The following DNAH5 variants were observed in gnomAD, a reference collection of about 807,000 sequenced individuals.
DNAH5 encodes the protein dynein axonemal heavy chain 5, also known as axonemal beta dynein heavy chain 5.
In DNAH5, 372 loss-of-function variants were observed where a neutral mutation model predicts 518.2. That is an observed-to-expected ratio of 0.72 (90% CI 0.66 to 0.78). The LOEUF (loss-of-function observed/expected upper bound fraction) is 0.78, where lower values mean the gene tolerates loss of function less well. Ranked by LOEUF, DNAH5 falls within the 30% of genes least tolerant of loss-of-function variation. The pLI, the probability that DNAH5 is intolerant of heterozygous loss-of-function variation, is 0.00. For synonymous variants in DNAH5, 2,039 were observed against 2,025.9 expected (o/e 1.01, Z -0.17); for missense variants, 5,523 against 5,687.0 (o/e 0.97, Z 0.93).
Position 13,913,917 on chromosome 5 carries a change from T to C in DNAH5, c.1362A>G (p.Lys454=), listed in dbSNP as rs371157628. 1.6e-4 allele frequency: 251 copies of C among 1,613,396 alleles called. No individual in the cohort carries two copies. The highest frequency in any genetic ancestry group is 2.7e-4 in the East Asian group (12 of 44,864). Residue 454 remains lysine (K), a synonymous_variant, in exon 11 of 79, where the codon AAA becomes AAG. Transcript: ENST00000265104. ...LCFHKTKQKL[K]QNPNAKQFDF... The stretch of plus-strand genomic sequence containing the variant: ...CAAATTGTTTTGCATTTGGATTTTG[T>C]TTAAGCTTTTGTTTTGTCTTGTGAA...
At chr5:13,730,360 A>G (rs1746314940) in intron 68 of DNAH5, among the ~76,000 whole-genome samples, 1 of 152,276 alleles carries the variant, frequency 6.6e-6, no homozygotes, top group Non-Finnish European at 1.5e-5. Context: ...TTAAGAATTA[A>G]GGATAAAATA....
At chr5:13,808,266 C>G (rs1759980967) in intron 46 of DNAH5, among the ~76,000 whole-genome samples, 1 of 144,640 alleles carries the variant, frequency 6.9e-6, no homozygotes, top group Admixed American at 6.9e-5. Flanking sequence ...TTTGTATACA[C>G]AAAGAAACAC....
chr5:13,772,350 A>C (rs1753462857), intron 55 of DNAH5, among the ~76,000 whole-genome samples: 1 of 152,254 alleles, frequency 6.6e-6, no homozygotes, highest in Non-Finnish European at 1.5e-5. Context: ...TTCTTTACGT[A>C]GCAAATTGTC....
chr5:13,942,863 C>T (rs1046418568), intron 1 of DNAH5, among the ~76,000 whole-genome samples: 2 of 152,208 alleles, frequency 1.3e-5, no homozygotes, highest in South Asian at 2.1e-4. Flanking sequence ...ATACCTAACA[C>T]GACGGTCGTG....
At chr5:13,813,675 C>T (rs1348760330) in intron 43 of DNAH5, among the ~76,000 whole-genome samples, 2 of 152,158 alleles carry the variant, frequency 1.3e-5, no homozygotes, top group Non-Finnish European at 2.9e-5. Flanking sequence ...ACATTCAACT[C>T]TATGTCAACA....
chr5:13,961,341 CAG>C (rs1168927259), intron 1 of DNAH5, among the ~76,000 whole-genome samples: 3 of 152,116 alleles, frequency 2.0e-5, no homozygotes, highest in Non-Finnish European at 4.4e-5. Flanking sequence ...TGAGGAAACT[CAG>C]AGATGGAAAG....
chr5:13,764,275 T>A (rs1351973398), intron 59 of DNAH5, among the ~76,000 whole-genome samples: 1 of 152,200 alleles, frequency 6.6e-6, no homozygotes, highest in African/African-American at 2.4e-5. Flanking sequence ...ACATTAAACC[T>A]AAGAATTTCT....
chr5:13,892,611 G>T (rs1008488350), intron 16 of DNAH5, among the ~76,000 whole-genome samples: 1 of 152,172 alleles, frequency 6.6e-6, no homozygotes, highest in Admixed American at 6.5e-5. Flanking sequence ...CTAGAAACTA[G>T]TTCCTTGTCT....
At chr5:13,945,249 T>C (rs528145630), upstream of DNAH5, among the ~76,000 whole-genome samples, 1 of 152,264 alleles carries the variant, frequency 6.6e-6, no homozygotes, top group Non-Finnish European at 1.5e-5. Context: ...CTCTCATGTA[T>C]GGTTTCTCCC....
chr5:13,814,981 A>G, intron 42 of DNAH5, 135 bp from the exon 43 acceptor site: 1 of 867,254 alleles, frequency 1.2e-6, no homozygotes, highest in Non-Finnish European at 1.8e-6. Context: ...TTTTGCTCCA[A>G]ATGATTACCT....
At position 13,964,795 on chromosome 5, in the gene DNAH5, T is replaced by G. The variant is rs964571499; in HGVS notation, c.13-33551A>C. Among the ~76,000 whole-genome samples the G allele has an allele frequency of 1.4e-4, 21 of 152,328 alleles. 1 individual carries two copies. The East Asian group carries it at 4.0e-3, about 29-fold the overall frequency. ...TTAAAGATATATACAGTATCTGAAGTAGGATCAGGAATGAGAAGAGAAAAT... is the reference window on the plus strand; with the variant it reads ...TTAAAGATATATACAGTATCTGAAGGAGGATCAGGAATGAGAAGAGAAAAT... On this transcript the variant is annotated intron_variant, in intron 1 of 78. Coordinates refer to the DNAH5 transcript ENST00000681290.
rs184758570 is a variant in DNAH5, at chr5:13,780,952, C to A, written c.8828G>T (p.Arg2943Leu). ...DAMVHLVKIS[R>L]VIRTPQGNAL... The stretch of plus-strand genomic sequence containing the variant: ...ATTTCCCTGAGGAGTACGAATGACA[C>A]GAGAGATCTGTAATATGGAACAGAA... Residue 2943 changes from arginine to leucine, a missense_variant, in exon 53 of 79, where the codon CGT becomes CTT. Around this residue, in one of 3 missense-constraint regions of DNAH5, gnomAD observed 5,121 missense variants for 5,223.3 expected, o/e 0.98. Transcript: ENST00000265104. 1 of 1,613,502 alleles carries A rather than the reference C, an allele frequency of 6.2e-7. No individual in the cohort carries two copies. Among genetic ancestry groups the A allele is most frequent in the Non-Finnish European group, 8.5e-7 (1 of 1,179,666 alleles).
At chr5:13,725,515 T>C (rs1180276199) in intron 70 of DNAH5, among the ~76,000 whole-genome samples, 1 of 152,104 alleles carries the variant, frequency 6.6e-6, no homozygotes, top group Non-Finnish European at 1.5e-5. Flanking sequence ...CACTGTGGAG[T>C]GCTGCATTTT....
At chr5:13,824,091 T>C in intron 39 of DNAH5, 108 bp downstream of exon 39, 1 of 1,161,342 alleles carries the variant, frequency 8.6e-7, no homozygotes, top group Non-Finnish European at 1.3e-6. Context: ...ATCTGACAAT[T>C]AGGCATTTTA....
chr5:13,891,593 T>A (rs1198746220), intron 16 of DNAH5, among the ~76,000 whole-genome samples: 2 of 152,186 alleles, frequency 1.3e-5, no homozygotes, highest in African/African-American at 4.8e-5. Context: ...TGGTCCCTCC[T>A]CCTGTAAAAC....
At chr5:13,716,759 C>T (rs1744337239) in intron 73 of DNAH5, 69 bp from the exon 74 acceptor site, 2 of 1,048,342 alleles carry the variant, frequency 1.9e-6, no homozygotes, top group Admixed American at 1.9e-5. Context: ...TGCCAAGTCA[C>T]ACCCATGTAT....
chr5:13,750,742 T>C (rs922901589), intron 65 of DNAH5, among the ~76,000 whole-genome samples: 1 of 152,240 alleles, frequency 6.6e-6, no homozygotes. Flanking sequence ...ATGAGTTGAA[T>C]TCATAATAGA....
Position 13,850,682 on chromosome 5 carries a change from T to G in DNAH5, c.5084A>C (p.Gln1695Pro), listed in dbSNP as rs759121078. 3.1e-6 allele frequency: 5 copies of G among 1,614,006 alleles called. No individual in the cohort carries two copies. The change falls in exon 31 of 79, where the codon CAG (glutamine) becomes CCG (proline). Residue 1695 changes from glutamine (Q) to proline (P), a missense_variant. Physicochemically the swap from Gln to Pro is moderately conservative, Grantham distance 76 (BLOSUM62 -1). This residue lies in a region of DNAH5 where 5,121 missense variants were observed against 5,223.3 expected (regional missense o/e 0.98). Transcript: ENST00000265104. The part of the protein sequence containing the change: ...LGQLLPHLLD[Q>P]LEICQKSLTG... ...AAGGGATTTCTGGCATATTTCCAAC[T>G]GGTCCAGCAAGTGTGGTAACAGCTG...
upstream of DNAH5, among the ~76,000 whole-genome samples, chr5:13,945,643 T>C (rs1276624223): frequency 1.3e-5 from 2 of 152,072 alleles, no homozygotes; most frequent in Non-Finnish European, 2.9e-5. Context: ...TCTCACTCTG[T>C]CACACAGGCT....
Sources: allele counts gnomAD v4.1 joint callset (sites outside exome capture counted in the v4.1 genomes callset), GRCh38; gene constraint gnomAD v4.1.1; regional missense constraint gnomAD v4.1.1; transcripts MANE v1.5; gene names NCBI Gene and HGNC (gene_info 2026-07-23, HGNC 2026-07-21).